Variants in RAD51C observed in about 807,000 individuals in gnomAD.
RAD51C encodes RAD51 paralog C.
A neutral mutation model predicts 45.0 loss-of-function variants in RAD51C; 42 were observed. The observed-to-expected ratio is 0.93, with a 90% CI of 0.73 to 1.21. RAD51C has a LOEUF of 1.21. Among genes scored for constraint, RAD51C ranks in the 50% most tolerant of loss-of-function variants. The probability of loss-of-function intolerance (pLI) is 0.00; values close to 1 mark genes in which losing one functional copy is unlikely to be tolerated. For missense variants in RAD51C, 474 were observed against 452.2 expected, an observed-to-expected ratio of 1.05 and a Z score of -0.44; for synonymous variants, 172 against 159.8, an observed-to-expected ratio of 1.08 and a Z score of -0.58.
rs1261216371 is a variant in RAD51C, at chr17:58,734,675, A to G, written c.*453A>G. 22 of 159,626 alleles carry G rather than the reference A, an allele frequency of 1.4e-4. No homozygotes were observed. In the East Asian group the frequency reaches 4.0e-3, roughly 29 times the overall value. 9.9% of individuals were successfully genotyped at this position (159,626 alleles called of 1,614,324 possible). On this transcript the variant is annotated 3_prime_UTR_variant, in exon 9 of 9. Coordinates refer to ENST00000337432, the MANE Select transcript of RAD51C (RefSeq NM_058216.3). ...AATGGCGCAATCTCTGCTCACTGCA[A>G]CCTCCGCCTCCCAGGTTCAAGCGAT...
At chr17:58,716,165 C>T (rs1407805198) in intron 5 of RAD51C, among the ~76,000 whole-genome samples, 1 of 150,482 alleles carries the variant, frequency 6.6e-6, no homozygotes, top group Non-Finnish European at 1.5e-5. Flanking sequence ...TACTAATTTT[C>T]AGTTGTATCA....
intron 7 of RAD51C, among the ~76,000 whole-genome samples, chr17:58,725,804 C>G (rs1776226484): frequency 6.6e-6 from 1 of 151,994 alleles, no homozygotes. Context: ...ACCATCCTGG[C>G]CAACATGGTG....
intron 6 of RAD51C, among the ~76,000 whole-genome samples, chr17:58,723,080 C>T (rs2048977454): frequency 6.6e-6 from 1 of 152,142 alleles, no homozygotes; most frequent in Non-Finnish European, 1.5e-5. Flanking sequence ...TTCAACTGCC[C>T]TCTTTGCCCT....
chr17:58,720,731 A>G lies in RAD51C; in HGVS notation c.838-15A>G, dbSNP rs150042209. The G allele has an allele frequency of 1.6e-5, 25 of 1,597,248 alleles. No individual in the cohort carries two copies. The East Asian group carries it at 4.3e-4, about 27-fold the overall frequency. On this transcript the variant is annotated splice_polypyrimidine_tract_variant and intron_variant, in intron 5 of 8. Coordinates refer to ENST00000337432, the MANE Select transcript of RAD51C (RefSeq NM_058216.3). ...AAAGAGACTCACCTAATTTTCTTAC[A>G]TTTTGTTTTTGTAGGTAATTTTAAC...
chr17:58,715,097 T>G (rs1567803559), intron 5 of RAD51C, among the ~76,000 whole-genome samples: 1 of 151,472 alleles, frequency 6.6e-6, no homozygotes, highest in Admixed American at 6.6e-5. Flanking sequence ...AGAAAGTAAT[T>G]CTGGTTCTGG....
chr17:58,706,647 G>C (rs1252768980), intron 4 of RAD51C: 1 of 329,520 alleles, frequency 3.0e-6, no homozygotes, highest in East Asian at 9.2e-5. Context: ...ATCCCCTTTG[G>C]CACCATTCTT....
chr17:58,733,161 G>A (rs1403101148), intron 8 of RAD51C, among the ~76,000 whole-genome samples: 5 of 152,044 alleles, frequency 3.3e-5, no homozygotes, highest in African/African-American at 9.7e-5. Flanking sequence ...GATTATAGGC[G>A]TGTGCTACCA....
chr17:58,716,617 C>T (rs2048747673), intron 5 of RAD51C, among the ~76,000 whole-genome samples: 1 of 150,954 alleles, frequency 6.6e-6, no homozygotes, highest in African/African-American at 2.4e-5. Flanking sequence ...CGCATGCCAC[C>T]ATGCCCAGCT....
At chr17:58,725,710 C>T (rs1397609432) in intron 7 of RAD51C, among the ~76,000 whole-genome samples, 1 of 152,024 alleles carries the variant, frequency 6.6e-6, no homozygotes, top group Non-Finnish European at 1.5e-5. Context: ...AACTAAAGTA[C>T]ATGGCCGGAT....
intron 5 of RAD51C, among the ~76,000 whole-genome samples, chr17:58,720,299 C>G (rs1259979525): frequency 6.7e-6 from 1 of 150,272 alleles, no homozygotes; most frequent in Non-Finnish European, 1.5e-5. Context: ...GCCTGTAGTC[C>G]CAGCTACTTG....
intron 7 of RAD51C, 108 bp downstream of exon 7, chr17:58,724,208 A>G (rs2049030409): frequency 9.5e-7 from 1 of 1,057,932 alleles, no homozygotes; most frequent in Non-Finnish European, 1.4e-6. Flanking sequence ...ACAGTGACCC[A>G]TGAAGTGACA....
Position 58,712,598 on chromosome 17 carries a change from A to G in RAD51C, c.837+2608A>G, listed in dbSNP as rs190934318. On this transcript the variant is annotated intron_variant, in intron 5 of 8. Transcript: ENST00000337432. ...CACTTTGGGAGGCCAAGGCGGGCAGATCACGAGGTCAGGAGATCGAGACCA... is the reference window on the plus strand; with the variant it reads ...CACTTTGGGAGGCCAAGGCGGGCAGGTCACGAGGTCAGGAGATCGAGACCA... Among the ~76,000 whole-genome samples the G allele has an allele frequency of 3.6e-4, 54 of 152,076 alleles. 2 individuals carry two copies. The Middle Eastern group carries it at 0.017, about 48-fold the overall frequency.
chr17:58,701,678 C>G (rs574963002), intron 3 of RAD51C, among the ~76,000 whole-genome samples: 1 of 151,328 alleles, frequency 6.6e-6, no homozygotes, highest in African/African-American at 2.4e-5. Context: ...TCAAGCCAGT[C>G]TCCTGCCTCA....
intron 5 of RAD51C, among the ~76,000 whole-genome samples, chr17:58,715,631 C>T (rs1041596984): frequency 7.2e-5 from 11 of 151,958 alleles, no homozygotes; most frequent in African/African-American, 1.9e-4. Context: ...TTTCACTTAG[C>T]GTGATGTTTT....
intron 7 of RAD51C, among the ~76,000 whole-genome samples, chr17:58,727,536 T>G (rs553250695): frequency 6.6e-6 from 1 of 152,226 alleles, no homozygotes; most frequent in Non-Finnish European, 1.5e-5. Flanking sequence ...TACTCCTTTT[T>G]TTAGGTAAAA....
At chr17:58,721,550 G>A (rs765503039) in intron 6 of RAD51C, among the ~76,000 whole-genome samples, 5 of 151,648 alleles carry the variant, frequency 3.3e-5, no homozygotes, top group Non-Finnish European at 2.9e-5. Context: ...ACCTGAGGTC[G>A]GGAGTTTGAG....
chr17:58,699,569 A>T (rs2048141004), intron 3 of RAD51C, among the ~76,000 whole-genome samples: 1 of 152,096 alleles, frequency 6.6e-6, no homozygotes, highest in Non-Finnish European at 1.5e-5. Flanking sequence ...CATAAGGATT[A>T]TTTTGAGCTG....
At chr17:58,718,933 T>A (rs939664946) in intron 5 of RAD51C, among the ~76,000 whole-genome samples, 1 of 152,120 alleles carries the variant, frequency 6.6e-6, no homozygotes, top group Non-Finnish European at 1.5e-5. Flanking sequence ...ATAAAGAACA[T>A]GGACTCAGGC....
At chr17:58,694,830 T>C (rs75701708) in intron 1 of RAD51C, 101 bp from the exon 2 acceptor site, 164 of 1,130,538 alleles carry the variant, frequency 1.5e-4, no homozygotes, top group East Asian at 1.1e-3. Flanking sequence ...TCTCCACTCC[T>C]AGCATCACTG....
Sources: allele counts gnomAD v4.1 joint callset (sites outside exome capture counted in the v4.1 genomes callset), GRCh38; gene constraint gnomAD v4.1.1; transcripts MANE v1.5; gene names NCBI Gene and HGNC (gene_info 2026-07-23, HGNC 2026-07-21).